DAG1: variants seen among roughly 807,000 people sequenced by gnomAD.
DAG1 encodes the protein dystroglycan 1 (dystrophin-associated glycoprotein 1).
DAG1 carries 8 observed loss-of-function variants against 46.1 expected under a neutral mutation model. That is an observed-to-expected ratio of 0.17 (90% CI 0.10 to 0.31). The LOEUF (loss-of-function observed/expected upper bound fraction) is 0.31, where lower values mean the gene tolerates loss of function less well. Ranked by LOEUF, DAG1 falls within the 10% of genes least tolerant of loss-of-function variation. The pLI is 1.00. For synonymous variants in DAG1, 495 were observed against 481.8 expected (o/e 1.03, Z -0.36); for missense variants, 1,003 against 1,189.9 (o/e 0.84, Z 2.31).
At chr3:49,492,052 G>A (rs1275771684) in intron 1 of DAG1, among the ~76,000 whole-genome samples, 1 of 151,860 alleles carries the variant, frequency 6.6e-6, no homozygotes, top group Non-Finnish European at 1.5e-5. Flanking sequence ...TCAGCCTCCT[G>A]AATAACTGGG....
chr3:49,530,192 T>G (rs1180163359), intron 2 of DAG1, among the ~76,000 whole-genome samples: 1 of 152,162 alleles, frequency 6.6e-6, no homozygotes, highest in Non-Finnish European at 1.5e-5. Flanking sequence ...TACAACTAAC[T>G]CTCTTTGCTA....
chr3:49,504,450 C>T (rs1379818428), intron 1 of DAG1, among the ~76,000 whole-genome samples: 2 of 151,836 alleles, frequency 1.3e-5, no homozygotes, highest in Non-Finnish European at 1.5e-5. Flanking sequence ...ATTTTTTCCC[C>T]GTTGAATTGC....
At chr3:49,485,221 C>T (rs2049992885) in intron 1 of DAG1, among the ~76,000 whole-genome samples, 1 of 151,904 alleles carries the variant, frequency 6.6e-6, no homozygotes. Flanking sequence ...GTGATCTGCC[C>T]GCCTCAGGCT....
At chr3:49,481,977 T>C (rs2049893085) in intron 1 of DAG1, among the ~76,000 whole-genome samples, 1 of 152,188 alleles carries the variant, frequency 6.6e-6, no homozygotes, top group African/African-American at 2.4e-5. Context: ...TAAACTTTTA[T>C]CATCGTCATC....
At chr3:49,517,895 C>T (rs1414194480) in intron 2 of DAG1, among the ~76,000 whole-genome samples, 1 of 152,204 alleles carries the variant, frequency 6.6e-6, no homozygotes, top group Non-Finnish European at 1.5e-5. Flanking sequence ...GGTTGCAGAG[C>T]TCCATGTGGG....
At chr3:49,500,420 A>G (rs1476016334) in intron 1 of DAG1, among the ~76,000 whole-genome samples, 1 of 152,124 alleles carries the variant, frequency 6.6e-6, no homozygotes, top group Non-Finnish European at 1.5e-5. Flanking sequence ...CCCTACCCCA[A>G]CTAGCTCTGG....
chr3:49,502,854 G>A (rs968806936), intron 1 of DAG1, among the ~76,000 whole-genome samples: 5 of 152,028 alleles, frequency 3.3e-5, no homozygotes, highest in Non-Finnish European at 7.4e-5. Context: ...GGCCAGGCTG[G>A]TCTCGAACTT....
intron 1 of DAG1, among the ~76,000 whole-genome samples, chr3:49,503,406 AG>A (rs2050509937): frequency 6.6e-6 from 1 of 152,144 alleles, no homozygotes; most frequent in African/African-American, 2.4e-5. Context: ...TCCTATCTTC[AG>A]CCCATTTTTA....
At chr3:49,496,973 A>G (rs1236969950) in intron 1 of DAG1, among the ~76,000 whole-genome samples, 1 of 151,824 alleles carries the variant, frequency 6.6e-6, no homozygotes, top group African/African-American at 2.4e-5. Context: ...GTCCAGGCTT[A>G]TATTTTAATA....
chr3:49,509,948 C>G (rs1021212717), intron 1 of DAG1, among the ~76,000 whole-genome samples: 1 of 152,148 alleles, frequency 6.6e-6, no homozygotes, highest in African/African-American at 2.4e-5. Flanking sequence ...AGGCTGGTTT[C>G]AAACTCCTTA....
chr3:49,531,879 C>T lies in DAG1; in HGVS notation c.1368C>T (p.Pro456=). 6.2e-7 allele frequency: 1 copy of T among 1,614,152 alleles called. No homozygotes were observed. The highest frequency in any genetic ancestry group is 8.5e-7 in the Non-Finnish European group (1 of 1,180,042). ...TRRPTKKPRT[P]RPVPRVTTKV... is the part of the protein sequence containing the mutation. ...GGCCAACCAAGAAACCACGGACACC[C>T]CGGCCAGTGCCCCGGGTCACCACCA... The change falls in exon 3 of 3, where the codon CCC becomes CCT. Residue 456 remains proline, a synonymous_variant. Coordinates refer to ENST00000308775, the MANE Select transcript of DAG1 (RefSeq NM_004393.6). The surrounding 1 kb of genome is among the most constrained non-coding windows in gnomAD (Gnocchi z 7.0).
intron 2 of DAG1, among the ~76,000 whole-genome samples, chr3:49,525,633 C>T (rs2051149534): frequency 6.6e-6 from 1 of 151,616 alleles, no homozygotes. Flanking sequence ...TCTCGGCTCA[C>T]TGCAGGCTCC....
chr3:49,532,662 G>C lies in DAG1; in HGVS notation c.2151G>C (p.Gln717His), dbSNP rs952384756. 6.2e-6 allele frequency: 10 copies of C among 1,614,052 alleles called. No individual in the cohort carries two copies. The highest frequency in any genetic ancestry group is 1.3e-5 in the African/African-American group (1 of 74,936). Residue 717 changes from glutamine (Q) to histidine (H), a missense_variant, in exon 3 of 3, where the codon CAG becomes CAC. Gln to His is a conservative substitution (Grantham distance 24). This residue lies in a region of DAG1 where 755 missense variants were observed against 854.1 expected (regional missense o/e 0.88). Transcript: ENST00000308775. The surrounding 1 kb of genome is among the most constrained non-coding windows in gnomAD (Gnocchi z 5.4). ...VTGSGSCRHL[Q>H]FIPVVPPRRV... The stretch of plus-strand genomic sequence containing the variant: ...GCTCTGGCAGTTGTCGGCACCTACA[G>C]TTTATCCCTGTGGTACCACCCAGGA...
At chr3:49,475,478 T>C (rs1223141560) in intron 1 of DAG1, among the ~76,000 whole-genome samples, 1 of 122,044 alleles carries the variant, frequency 8.2e-6, no homozygotes, top group Non-Finnish European at 1.7e-5. Context: ...CGATCTTGGC[T>C]CCTGCAACCT....
At chr3:49,496,819 GT>G (rs1163338977) in intron 1 of DAG1, among the ~76,000 whole-genome samples, 1 of 151,766 alleles carries the variant, frequency 6.6e-6, no homozygotes. Context: ...TAGAGATGGG[GT>G]TTCACCATGT....
At chr3:49,477,997 T>C (rs1411110439) in intron 1 of DAG1, among the ~76,000 whole-genome samples, 3 of 151,452 alleles carry the variant, frequency 2.0e-5, no homozygotes, top group Non-Finnish European at 2.9e-5. Flanking sequence ...CTGGGCGTGG[T>C]GGCTCACACC....
rs2051083843 is a variant in DAG1 at position 49,523,235 on chromosome 3, TC to T, written c.286-7561del. 5.9e-5 allele frequency among the ~76,000 whole-genome samples: 9 copies of T among 152,122 alleles called. 1 individual carries two copies. The highest frequency in any genetic ancestry group is 5.9e-4 in the Admixed American group (9 of 15,260). ...AATCCCATGTGTAAATGTGCCAGGA[TC>T]TAGTGCACCCATTTTATTAATTATA... On this transcript the variant is annotated intron_variant, in intron 2 of 2. Transcript: ENST00000308775.
chr3:49,475,267 G>T (rs945511942), intron 1 of DAG1, among the ~76,000 whole-genome samples: 3 of 151,270 alleles, frequency 2.0e-5, no homozygotes, highest in African/African-American at 7.3e-5. Flanking sequence ...AGCATGCCTG[G>T]CTAATTTTGT....
chr3:49,508,468 C>T (rs760888320), intron 1 of DAG1, among the ~76,000 whole-genome samples: 18 of 151,906 alleles, frequency 1.2e-4, no homozygotes, highest in Non-Finnish European at 1.9e-4. Flanking sequence ...GTGCAGTCTC[C>T]GCTCACTGCA....
Sources: gnomAD v4.1 joint callset for allele counts (sites outside exome capture counted in the v4.1 genomes callset) on GRCh38, gnomAD v4.1.1 for gene constraint, gnomAD v4.1.1 regional missense constraint, Gnocchi (gnomAD v3.1) non-coding constraint, MANE v1.5 for transcripts, NCBI Gene and HGNC (gene_info 2026-07-23, HGNC 2026-07-21) for gene names.